KIF3A: variants seen among roughly 807,000 people sequenced by gnomAD.
The protein encoded by KIF3A is kinesin-like protein KIF3A.
Under a neutral mutation model 92.6 loss-of-function variants are expected in KIF3A, and 27 were observed. The observed-to-expected ratio is 0.29, with a 90% CI of 0.21 to 0.40. The LOEUF is 0.40. Among genes scored for constraint, KIF3A ranks in the 10% least tolerant of loss-of-function variants. The probability of loss-of-function intolerance (pLI) is 1.00; values close to 1 mark genes in which losing one functional copy is unlikely to be tolerated. For missense variants in KIF3A, 581 were observed against 872.6 expected (o/e 0.67, Z 4.21); for synonymous variants, 250 against 275.4 (o/e 0.91, Z 0.92).
intron 9 of KIF3A, among the ~76,000 whole-genome samples, chr5:132,710,201 AG>A: frequency 1.3e-5 from 2 of 152,354 alleles, no homozygotes; most frequent in South Asian, 4.1e-4. Flanking sequence ...CATTTTATAA[AG>A]AAAAAGAACT....
chr5:132,724,553 A>C (rs537810826), intron 4 of KIF3A, among the ~76,000 whole-genome samples: 2 of 152,024 alleles, frequency 1.3e-5, no homozygotes, highest in African/African-American at 4.8e-5. Context: ...ACAAAAAACC[A>C]AACACCACAT....
intron 9 of KIF3A, 89 bp downstream of exon 9, chr5:132,710,870 A>G (rs1459763287): frequency 5.8e-6 from 9 of 1,564,030 alleles, no homozygotes; most frequent in Non-Finnish European, 7.8e-6. Context: ...TAATATATTA[A>G]ACAGATAACG....
At chr5:132,705,051 T>G (rs907894308) in intron 11 of KIF3A, among the ~76,000 whole-genome samples, 3 of 151,874 alleles carry the variant, frequency 2.0e-5, no homozygotes, top group African/African-American at 7.2e-5. Flanking sequence ...CATGCTTTGG[T>G]GTGGTGTGAT....
intron 8 of KIF3A, among the ~76,000 whole-genome samples, chr5:132,711,360 G>C (rs1174079330): frequency 2.6e-5 from 4 of 152,164 alleles, no homozygotes; most frequent in African/African-American, 7.2e-5. Context: ...AAGAGGCTGA[G>C]GCAGGCAGAT....
chr5:132,699,489 T>C, intron 17 of KIF3A, 194 bp from the exon 18 acceptor site: 1 of 640,688 alleles, frequency 1.6e-6, no homozygotes, highest in South Asian at 1.5e-5. Flanking sequence ...TAAGAAGCCC[T>C]GACACACTAT....
At chr5:132,715,650 G>T in intron 8 of KIF3A, 107 bp downstream of exon 8, 1 of 735,772 alleles carries the variant, frequency 1.4e-6, no homozygotes, top group Non-Finnish European at 2.2e-6. Context: ...AACTACCAAT[G>T]TTAGAGGCTC....
At position 132,706,431 on chromosome 5, in the gene KIF3A, T is replaced by A; in HGVS notation, c.1309+20A>T. The A allele has an allele frequency of 6.5e-7, 1 of 1,532,166 alleles. No individual in the cohort carries two copies. The highest frequency in any genetic ancestry group is 8.8e-7 in the Non-Finnish European group (1 of 1,137,070). The allele number at this position is 1,532,166 out of a possible 1,614,324, so 94.9% of individuals were successfully genotyped here. On this transcript the variant is annotated intron_variant, in intron 11 of 18. Coordinates refer to ENST00000403231, the MANE Select transcript of KIF3A (RefSeq NM_001300791.2). The stretch of plus-strand genomic sequence containing the variant: ...GGATAAATAATTGTACCATGTGGAG[T>A]GCAAATCAATCACACCAACCTGCTT...
At chr5:132,726,262 C>T (rs370708066) in intron 3 of KIF3A, 50 bp from the exon 4 acceptor site, 60 of 1,575,842 alleles carry the variant, frequency 3.8e-5, no homozygotes, top group Middle Eastern at 3.4e-4. Flanking sequence ...TTCATAAGAA[C>T]GGTTTTAAAA....
chr5:132,731,187 C>T (rs1754216449), intron 2 of KIF3A, among the ~76,000 whole-genome samples: 1 of 152,170 alleles, frequency 6.6e-6, no homozygotes, highest in South Asian at 2.1e-4. Context: ...ATGAAACTAG[C>T]ATTATCACAA....
intron 9 of KIF3A, 128 bp downstream of exon 9, chr5:132,710,831 G>T: frequency 1.6e-6 from 2 of 1,247,434 alleles, no homozygotes; most frequent in East Asian, 2.4e-5. Flanking sequence ...CCAGGTAAAT[G>T]GCATACATCT....
intron 2 of KIF3A, among the ~76,000 whole-genome samples, chr5:132,730,703 G>T (rs947175347): frequency 2.0e-5 from 3 of 152,074 alleles, no homozygotes; most frequent in Admixed American, 1.3e-4. Context: ...GCTGAAGTGG[G>T]AGGATCGCTT....
At chr5:132,726,016 A>T (rs1047629413) in intron 4 of KIF3A, 112 bp downstream of exon 4, 2 of 666,948 alleles carry the variant, frequency 3.0e-6, no homozygotes, top group African/African-American at 3.7e-5. Context: ...TATGTACGAG[A>T]TTATTTAAAA....
At chr5:132,724,807 A>AAAAAATTATT (rs1554107349) in intron 4 of KIF3A, among the ~76,000 whole-genome samples, 1 of 30,106 alleles carries the variant, frequency 3.3e-5, no homozygotes, top group Non-Finnish European at 6.6e-5. Flanking sequence ...AAAAAAAAAA[A>AAAAAATTATT]TATATATATA....
At chr5:132,703,769 A>C in intron 11 of KIF3A, 150 bp from the exon 12 acceptor site, 2 of 580,982 alleles carry the variant, frequency 3.4e-6, no homozygotes, top group Non-Finnish European at 3.0e-6. Flanking sequence ...CAATAATATC[A>C]TGCATTTCCA....
intron 18 of KIF3A, 53 bp from the exon 19 acceptor site, chr5:132,696,735 T>C: frequency 7.4e-7 from 1 of 1,345,890 alleles, no homozygotes; most frequent in Non-Finnish European, 1.1e-6. Flanking sequence ...AAGACTGAAA[T>C]GCAAACATTT....
At chr5:132,700,553 T>C (rs1752999484) in intron 16 of KIF3A, 94 bp downstream of exon 16, 4 of 813,750 alleles carry the variant, frequency 4.9e-6, no homozygotes, top group Non-Finnish European at 8.4e-6. Context: ...ATTCATCTAC[T>C]GGACCATGTT....
Position 132,710,987 on chromosome 5 carries a change from T to C in KIF3A, c.1200A>G (p.Glu400=), listed in dbSNP as rs1561698024. 6.2e-7 allele frequency: 1 copy of C among 1,612,478 alleles called. No individual in the cohort carries two copies. Among genetic ancestry groups the C allele is most frequent in the Non-Finnish European group, 8.5e-7 (1 of 1,178,524 alleles). The change falls in exon 9 of 19, where the codon GAA becomes GAG. Residue 400 remains glutamate, a synonymous_variant. Coordinates refer to ENST00000403231, the MANE Select transcript of KIF3A (RefSeq NM_001300791.2). The part of the protein sequence containing the change: ...EDDDEEGEVG[E]DGEKRKKRRG... ...TTCTTTTTTTCCTTTTCTCTCCATC[T>C]TCTCCAACCTCACCCTCTTCATCAT...
At chr5:132,709,722 G>A (rs1334121771) in intron 9 of KIF3A, among the ~76,000 whole-genome samples, 2 of 152,188 alleles carry the variant, frequency 1.3e-5, no homozygotes, top group African/African-American at 4.8e-5. Context: ...GGACAGATAA[G>A]TGTTTGAGAC....
chr5:132,714,878 A>G (rs1455405703), intron 8 of KIF3A, among the ~76,000 whole-genome samples: 1 of 152,244 alleles, frequency 6.6e-6, no homozygotes, highest in Admixed American at 6.5e-5. Context: ...GAAATTAAAA[A>G]TCTTTAAAAC....
Sources: gnomAD v4.1 joint callset for allele counts (sites outside exome capture counted in the v4.1 genomes callset) on GRCh38, gnomAD v4.1.1 for gene constraint, MANE v1.5 for transcripts, NCBI Gene and HGNC (gene_info 2026-07-23, HGNC 2026-07-21) for gene names.